The following SHISAL1 variants were observed in gnomAD, a reference collection of about 807,000 sequenced individuals.
SHISAL1 encodes shisa like 1.
SHISAL1 carries 9 observed loss-of-function variants against 22.6 expected under a neutral mutation model. That is an observed-to-expected ratio of 0.40 (90% CI 0.24 to 0.70). The LOEUF is 0.70. Among genes scored for constraint, SHISAL1 ranks in the 30% least tolerant of loss-of-function variants. The pLI is 0.39. For synonymous variants in SHISAL1, 119 were observed against 115.4 expected (o/e 1.03, Z -0.20); for missense variants, 246 against 270.6 (o/e 0.91, Z 0.64).
intron 1 of SHISAL1, among the ~76,000 whole-genome samples, chr22:44,304,279 G>C (rs1238886456): frequency 4.4e-5 from 1 of 22,654 alleles, no homozygotes; most frequent in East Asian, 0.12. Context: ...TGGAGACTTC[G>C]GAGCGAGATG....
intron 4 of SHISAL1, among the ~76,000 whole-genome samples, chr22:44,272,707 G>C (rs745619699): frequency 6.6e-6 from 1 of 152,196 alleles, no homozygotes; most frequent in Non-Finnish European, 1.5e-5. Flanking sequence ...GAGCTGCAAA[G>C]GGCCGATGAA....
intron 4 of SHISAL1, among the ~76,000 whole-genome samples, chr22:44,279,827 C>T (rs543737154): frequency 3.3e-4 from 50 of 152,354 alleles, no homozygotes; most frequent in African/African-American, 1.2e-3. Flanking sequence ...GCCCCACAGG[C>T]AGCATCAGCA....
chr22:44,250,890 C>T (rs543340556), intron 4 of SHISAL1, among the ~76,000 whole-genome samples: 8 of 152,264 alleles, frequency 5.3e-5, no homozygotes, highest in Admixed American at 2.6e-4. Flanking sequence ...GGAGTGGCTC[C>T]GACCAAGCCA....
At chr22:44,268,568 T>C (rs135421) in intron 4 of SHISAL1, among the ~76,000 whole-genome samples, 97,851 of 152,036 alleles carry the variant, frequency 0.64, 31,599 homozygotes, top group African/African-American at 0.65. Flanking sequence ...CAGCCCAGGG[T>C]TCTGCTCTGC....
At chr22:44,254,243 A>C (rs961316471) in intron 4 of SHISAL1, among the ~76,000 whole-genome samples, 7 of 152,046 alleles carry the variant, frequency 4.6e-5, no homozygotes, top group Non-Finnish European at 2.9e-5. Flanking sequence ...TTAGAAAAGA[A>C]AGACAAAATA....
At chr22:44,275,437 C>T (rs1033723438) in intron 4 of SHISAL1, among the ~76,000 whole-genome samples, 1 of 152,196 alleles carries the variant, frequency 6.6e-6, no homozygotes, top group African/African-American at 2.4e-5. Flanking sequence ...TGGGCCCAGA[C>T]CAGAGAGGAC....
intron 2 of SHISAL1, among the ~76,000 whole-genome samples, chr22:44,298,376 T>C (rs2055402287): frequency 6.6e-6 from 1 of 152,296 alleles, no homozygotes; most frequent in East Asian, 1.9e-4. Flanking sequence ...GAAATGCAGA[T>C]TCTCAGGCCA....
intron 1 of SHISAL1, among the ~76,000 whole-genome samples, chr22:44,304,550 GC>G (rs1410700445): frequency 2.0e-5 from 3 of 152,136 alleles, no homozygotes; most frequent in Non-Finnish European, 4.4e-5. Flanking sequence ...CCACCCGCAG[GC>G]CTCTCTGCTC....
At chr22:44,271,625 C>T (rs1254288661) in intron 4 of SHISAL1, among the ~76,000 whole-genome samples, 1 of 152,238 alleles carries the variant, frequency 6.6e-6, no homozygotes, top group African/African-American at 2.4e-5. Context: ...AAGTAGAATC[C>T]ATGGTCCTCC....
Position 44,296,772 on chromosome 22 carries a change from G to A in SHISAL1, c.181C>T (p.His61Tyr). The change falls in exon 3 of 5, where the codon CAC becomes TAC. Residue 61 changes from histidine (H) to tyrosine (Y), a missense_variant. This residue lies in a region of SHISAL1 where 110 missense variants were observed against 153.1 expected (regional missense o/e 0.72). Transcript: ENST00000381176. The part of the protein sequence containing the change: ...SDNKTFILCC[H>Y]HNNTVFKYCC... ...TATTTGAAGACCGTGTTGTTATGGT[G>A]ACAACAGAGGATGAAGGTCTTGTTG... 1.2e-6 allele frequency: 2 copies of A among 1,614,086 alleles called. No homozygotes were observed. Among genetic ancestry groups the A allele is most frequent in the South Asian group, 1.1e-5 (1 of 91,072 alleles).
intron 1 of SHISAL1, among the ~76,000 whole-genome samples, chr22:44,301,864 G>C (rs2055431980): frequency 6.6e-6 from 1 of 152,136 alleles, no homozygotes; most frequent in Non-Finnish European, 1.5e-5. Context: ...ATTCACAGAA[G>C]ATTTGTCATC....
chr22:44,330,368 G>A, the SHISAL1 span, among the ~76,000 whole-genome samples: 2 of 152,236 alleles, frequency 1.3e-5, no homozygotes, highest in African/African-American at 4.8e-5. Flanking sequence ...GGCACTTCGT[G>A]TTCTTCCCAT....
rs781123903 is a variant in SHISAL1 at position 44,285,432 on chromosome 22, C to T, written c.595G>A (p.Ala199Thr). The T allele has an allele frequency of 3.7e-6, 6 of 1,614,038 alleles. No homozygotes were observed. In the East Asian group the frequency reaches 1.1e-4, roughly 30 times the overall value. Residue 199 changes from alanine to threonine, a missense_variant, in exon 4 of 5, where the codon GCC becomes ACC. By Grantham distance (58) the Ala-to-Thr change is moderately conservative (BLOSUM62 0). Around this residue, in one of 2 missense-constraint regions of SHISAL1, gnomAD observed 136 missense variants for 117.5 expected, o/e 1.16. Coordinates refer to ENST00000381176, the MANE Select transcript of SHISAL1 (RefSeq NM_001099294.2). Reference protein sequence around the residue: ...PPLMTFQSSSA With the variant: ...PPLMTFQSSST ...GTCTCAATTGTAGCCACTCACCAGG[C>T]AGACGAACTCTGGAAGGTCATCAGC...
intron 4 of SHISAL1, among the ~76,000 whole-genome samples, chr22:44,279,464 GA>G (rs1383734104): frequency 2.0e-5 from 3 of 152,248 alleles, no homozygotes; most frequent in Admixed American, 6.5e-5. Context: ...CCTCCCTGCA[GA>G]AACCACACGC....
At chr22:44,298,716 C>G (rs937194530) in intron 2 of SHISAL1, among the ~76,000 whole-genome samples, 2 of 152,218 alleles carry the variant, frequency 1.3e-5, no homozygotes, top group African/African-American at 4.8e-5. Flanking sequence ...GGGAGGCAGC[C>G]TTTGAGCTGG....
Position 44,245,759 on chromosome 22 carries a change from C to A in SHISAL1, c.*3926G>T, listed in dbSNP as rs1196396096. The A allele has an allele frequency of 6.6e-6, 1 of 152,286 alleles. No individual in the cohort carries two copies. Among genetic ancestry groups the A allele is most frequent in the Non-Finnish European group, 1.5e-5 (1 of 68,120 alleles). The allele number at this position is 152,286 out of a possible 1,614,324, so 9.4% of individuals were successfully genotyped here. ...TTTTGGGTTGACGGTGAACTGGAAACCATCTCCTGGCCAAAGAAGCCTGTT... is the reference window on the plus strand; with the variant it reads ...TTTTGGGTTGACGGTGAACTGGAAAACATCTCCTGGCCAAAGAAGCCTGTT... On this transcript the variant is annotated 3_prime_UTR_variant, in exon 5 of 5. Coordinates refer to ENST00000381176, the MANE Select transcript of SHISAL1 (RefSeq NM_001099294.2).
intron 2 of SHISAL1, among the ~76,000 whole-genome samples, chr22:44,298,587 G>A (rs1601800554): frequency 6.6e-6 from 1 of 152,216 alleles, no homozygotes; most frequent in Non-Finnish European, 1.5e-5. Context: ...GTGGGCAGCT[G>A]GGGAGGAACC....
intron 4 of SHISAL1, among the ~76,000 whole-genome samples, chr22:44,284,897 G>GCCTTCCTT (rs56376829): frequency 0.077 from 10,364 of 134,496 alleles, 558 homozygotes; most frequent in African/African-American, 0.14. Context: ...CTGCCTTCCT[G>GCCTTCCTT]CCTTCCTTCC....
chr22:44,302,266 G>A (rs536598178), intron 1 of SHISAL1, among the ~76,000 whole-genome samples: 1 of 151,760 alleles, frequency 6.6e-6, no homozygotes, highest in Non-Finnish European at 1.5e-5. Context: ...CTTGAACCTG[G>A]GAGGTGGAGG....
Sources: gnomAD v4.1 joint callset for allele counts (sites outside exome capture counted in the v4.1 genomes callset) on GRCh38, gnomAD v4.1.1 for gene constraint, gnomAD v4.1.1 regional missense constraint, MANE v1.5 for transcripts, NCBI Gene and HGNC (gene_info 2026-07-23, HGNC 2026-07-21) for gene names.